Variants in XIST observed in about 807,000 individuals in gnomAD.
XIST encodes the protein X inactive specific transcript.
intron 5 of XIST, chrX:73,828,962 C>T: frequency 2.3e-6 from 1 of 439,337 alleles, no homozygotes; most frequent in East Asian, 3.5e-5. Context: ...CATTTAGCCC[C>T]ACTTCACATT....
At chrX:73,831,140 T>C in exon 4 of XIST, 1 of 558,260 alleles carries the variant, frequency 1.8e-6, no homozygotes. Context: ...CAGAACCTCC[T>C]GACCTAGGGT....
chrX:73,828,457 G>A (rs1018613954), intron 5 of XIST: 1 of 117,515 alleles, frequency 8.5e-6, no homozygotes, highest in African/African-American at 3.2e-5. Flanking sequence ...ATGAGTAGCA[G>A]AGGATTTAAA....
At chrX:73,820,850 T>C (rs754810471) in exon 6 of XIST, 25 of 557,559 alleles carry the variant, frequency 4.5e-5, no homozygotes. Context: ...GTCTTCCATT[T>C]ATCTTAGCTT....
chrX:73,829,377 A>G (rs1922331993), intron 4 of XIST: 5 of 418,938 alleles, frequency 1.2e-5, no homozygotes, highest in Non-Finnish European at 2.1e-5. Flanking sequence ...AGGTCTTTAG[A>G]GAGAAAATTT....
chrX:73,850,050 A>G, exon 1 of XIST: 1 of 559,137 alleles, frequency 1.8e-6, no homozygotes, highest in Non-Finnish European at 3.2e-6. Context: ...TTCCTGTCTG[A>G]TAAGTAGGTG....
At chrX:73,822,968 C>T (rs1294418340) in exon 6 of XIST, 1 of 558,523 alleles carries the variant, frequency 1.8e-6, no homozygotes, top group South Asian at 2.2e-5. Context: ...ATAAAGTGCA[C>T]TTTGGTTTAC....
chrX:73,826,842 C>A (rs367567287), exon 6 of XIST: 12 of 556,374 alleles, frequency 2.2e-5, no homozygotes, highest in Non-Finnish European at 3.6e-5. Context: ...AATCTTAGGT[C>A]GTTGGCCTTG....
chrX:73,838,594 G>A (rs1922528219), intron 1 of XIST, among the ~76,000 whole-genome samples: 1 of 111,169 alleles, frequency 9.0e-6, no homozygotes, highest in Admixed American at 9.6e-5. Flanking sequence ...AGAAGCCCAA[G>A]CTCCATGTAT....
chrX:73,821,529 A>G (rs1922115908), exon 6 of XIST: 2 of 557,004 alleles, frequency 3.6e-6, no homozygotes, highest in Non-Finnish European at 6.5e-6. Flanking sequence ...AGTGAGGACA[A>G]AGGATTTTGT....
exon 1 of XIST, chrX:73,842,869 C>T (rs1168965555): frequency 1.4e-5 from 8 of 558,051 alleles, no homozygotes; most frequent in Middle Eastern, 3.1e-4. Context: ...AATATGGACA[C>T]CTGAGATTGT....
exon 6 of XIST, chrX:73,825,808 T>C (rs1173213090): frequency 1.9e-6 from 1 of 533,856 alleles, no homozygotes; most frequent in Admixed American, 2.5e-5. Flanking sequence ...CACTAATTGG[T>C]TTTTCTCTTA....
intron 2 of XIST, among the ~76,000 whole-genome samples, chrX:73,837,288 G>C (rs913608242): frequency 9.9e-5 from 11 of 111,446 alleles, no homozygotes; most frequent in Non-Finnish European, 1.9e-4. Flanking sequence ...CTACCTTTGT[G>C]GTCTTCCTCC....
At position 73,829,222 on chromosome X, in the gene XIST, C is replaced by T. The variant is rs374109897; in HGVS notation, n.11762G>A. 7 of 553,604 alleles carry T rather than the reference C, an allele frequency of 1.3e-5. No homozygotes were observed. In the African/African-American group the frequency reaches 1.6e-4, roughly 12 times the overall value. The allele number at this position is 553,604 out of a possible 1,213,427, so 45.6% of individuals were successfully genotyped here. On this transcript the variant is annotated non_coding_transcript_exon_variant, in exon 5 of 6. Coordinates refer to ENST00000429829, the Ensembl canonical transcript of XIST. ...AGTATAATGATTTGGCAGATAGGAA[C>T]AATGAAGAGCTATAAAAAAACATGA...
exon 1 of XIST, chrX:73,844,948 G>C (rs200643114): frequency 2.0e-5 from 11 of 553,329 alleles, no homozygotes; most frequent in Non-Finnish European, 3.2e-5. Context: ...GGTGGGGCAG[G>C]GGAGGCTTCC....
exon 1 of XIST, chrX:73,848,189 T>C (rs779191564): frequency 1.8e-6 from 1 of 555,143 alleles, no homozygotes; most frequent in Non-Finnish European, 3.2e-6. Context: ...ATAATTGCAA[T>C]TATGCGCATT....
At chrX:73,830,789 T>C (rs1922364979) in intron 4 of XIST, among the ~76,000 whole-genome samples, 1 of 111,757 alleles carries the variant, frequency 8.9e-6, no homozygotes, top group Non-Finnish European at 1.9e-5. Context: ...GTCCATGTTC[T>C]CCTAAAAGAA....
chrX:73,852,698 G>A (rs761484417), exon 1 of XIST: 7 of 443,880 alleles, frequency 1.6e-5, no homozygotes, highest in African/African-American at 1.5e-4. Flanking sequence ...TTCCAGCCCC[G>A]AGAGAGTAAG....
chrX:73,852,714 T>C (rs1922984294), exon 1 of XIST: 1 of 429,727 alleles, frequency 2.3e-6, no homozygotes, highest in Non-Finnish European at 4.0e-6. Flanking sequence ...GTAAGAAATA[T>C]GGCTGCAGCA....
intron 2 of XIST, among the ~76,000 whole-genome samples, chrX:73,836,825 G>A (rs1922492038): frequency 9.0e-6 from 1 of 111,314 alleles, no homozygotes; most frequent in Non-Finnish European, 1.9e-5. Context: ...AAATAAGAAA[G>A]TGCTCAAACA....
Sources: allele counts gnomAD v4.1 joint callset (sites outside exome capture counted in the v4.1 genomes callset), GRCh38; gene constraint gnomAD v4.1.1; transcripts MANE v1.5; gene names NCBI Gene and HGNC (gene_info 2026-07-23, HGNC 2026-07-21).